MAGI2: variants seen among roughly 807,000 people sequenced by gnomAD.
The protein encoded by MAGI2 is membrane-associated guanylate kinase, WW and PDZ domain-containing protein 2.
Under a neutral mutation model 133.3 loss-of-function variants are expected in MAGI2, and 35 were observed. The ratio of observed to expected loss-of-function variants is 0.26; its 90% CI spans 0.20 to 0.35. The LOEUF (loss-of-function observed/expected upper bound fraction) is 0.35, where lower values mean the gene tolerates loss of function less well. Ranked by LOEUF, MAGI2 falls within the 10% of genes least tolerant of loss-of-function variation. The pLI is 1.00. For missense variants in MAGI2, 1,636 were observed against 1,863.4 expected, an observed-to-expected ratio of 0.88 and a Z score of 2.25; for synonymous variants, 729 against 710.6, an observed-to-expected ratio of 1.03 and a Z score of -0.41.
intron 2 of MAGI2, chr7:78,941,007 C>T (rs980157363): frequency 3.9e-5 from 6 of 152,170 alleles, no homozygotes; most frequent in Non-Finnish European, 8.8e-5. Context: ...TTTCATATTA[C>T]AAGGAAATTG....
intron 3 of MAGI2, among the ~76,000 whole-genome samples, chr7:78,528,079 T>G (rs189525610): frequency 6.6e-6 from 1 of 152,224 alleles, no homozygotes; most frequent in Non-Finnish European, 1.5e-5. Context: ...CCACGGGGCA[T>G]GCAAACAGCG....
chr7:78,237,520 T>C (rs530117035), intron 10 of MAGI2, among the ~76,000 whole-genome samples: 1 of 152,324 alleles, frequency 6.6e-6, no homozygotes, highest in East Asian at 1.9e-4. Context: ...GAATGCAATT[T>C]CCCTGCCTCT....
At chr7:78,114,929 C>T (rs1381453248) in intron 20 of MAGI2, among the ~76,000 whole-genome samples, 2 of 152,200 alleles carry the variant, frequency 1.3e-5, no homozygotes, top group Non-Finnish European at 2.9e-5. Flanking sequence ...TGAGAGGGGG[C>T]AACTGCCAGC....
chr7:78,658,504 T>A lies in MAGI2; in HGVS notation c.419-31265A>T, dbSNP rs184724089. On this transcript the variant is annotated intron_variant, in intron 2 of 21. Transcript: ENST00000354212. ...CATATAATTAAGATCATTTGCTGTA[T>A]GAAAGACTCTGTTAAGAGCACGAAA... 8.5e-5 allele frequency among the ~76,000 whole-genome samples: 13 copies of A among 152,264 alleles called. No individual in the cohort carries two copies. The East Asian group carries it at 2.5e-3, about 29-fold the overall frequency.
chr7:78,381,216 G>A (rs1420238341), intron 6 of MAGI2, among the ~76,000 whole-genome samples: 2 of 152,024 alleles, frequency 1.3e-5, no homozygotes, highest in Admixed American at 1.3e-4. Context: ...CCGTTGTGGC[G>A]CGCATCTGTA....
chr7:79,039,839 T>TATATATACATATATATTATATATATATA (rs1326429868), intron 1 of MAGI2, among the ~76,000 whole-genome samples: 1 of 145,800 alleles, frequency 6.9e-6, no homozygotes, highest in Admixed American at 6.9e-5. Context: ...TTGTATATAT[T>TATATATACATATATATTATATATATATA]ATATATACAT....
chr7:79,076,593 T>C (rs182115346), intron 1 of MAGI2, among the ~76,000 whole-genome samples: 103 of 152,320 alleles, frequency 6.8e-4, no homozygotes, highest in African/African-American at 2.3e-3. Flanking sequence ...TAAATAGATA[T>C]TGATAAATGA....
intron 1 of MAGI2, among the ~76,000 whole-genome samples, chr7:79,300,954 C>T (rs1363711008): frequency 1.1e-4 from 17 of 152,252 alleles, no homozygotes; most frequent in South Asian, 4.1e-4. Context: ...GGGTGCAAGC[C>T]ATAAGCCTTG....
At chr7:78,773,258 T>G (rs1290489899) in intron 2 of MAGI2, among the ~76,000 whole-genome samples, 2 of 152,172 alleles carry the variant, frequency 1.3e-5, no homozygotes, top group African/African-American at 4.8e-5. Context: ...CTGCATGTAT[T>G]TTCTATTAAA....
intron 3 of MAGI2, among the ~76,000 whole-genome samples, chr7:78,594,713 C>T (rs944933142): frequency 6.6e-6 from 1 of 152,142 alleles, no homozygotes; most frequent in African/African-American, 2.4e-5. Context: ...GCCTCGGCCT[C>T]CCAAAGTGTT....
chr7:78,285,750 G>A (rs553962876), intron 9 of MAGI2: 1 of 152,116 alleles, frequency 6.6e-6, no homozygotes, highest in Non-Finnish European at 1.5e-5. Flanking sequence ...GGACATCTGC[G>A]TGGGGTCCAA....
At chr7:79,314,868 C>T (rs1838582436) in intron 1 of MAGI2, among the ~76,000 whole-genome samples, 1 of 151,996 alleles carries the variant, frequency 6.6e-6, no homozygotes, top group Non-Finnish European at 1.5e-5. Context: ...AATTTTGGAG[C>T]CAGGTAGAGA....
chr7:78,636,525 G>A (rs776743457), intron 2 of MAGI2, among the ~76,000 whole-genome samples: 6 of 152,124 alleles, frequency 3.9e-5, no homozygotes, highest in African/African-American at 1.2e-4. Context: ...AAGGCCGGGC[G>A]CTGTGGCTCA....
At chr7:78,218,242 T>C (rs866200694) in intron 10 of MAGI2, among the ~76,000 whole-genome samples, 2 of 152,242 alleles carry the variant, frequency 1.3e-5, no homozygotes, top group Admixed American at 6.5e-5. Flanking sequence ...GTTGGAACCA[T>C]AGGGGACCTT....
At chr7:78,099,754 A>G (rs930287947) in intron 20 of MAGI2, among the ~76,000 whole-genome samples, 8 of 152,182 alleles carry the variant, frequency 5.3e-5, no homozygotes, top group African/African-American at 1.7e-4. Context: ...GACATTTCCA[A>G]TGCATTTCTA....
chr7:78,910,585 A>C (rs1798329046), intron 2 of MAGI2, among the ~76,000 whole-genome samples: 1 of 152,182 alleles, frequency 6.6e-6, no homozygotes, highest in Non-Finnish European at 1.5e-5. Context: ...GTTAGTAAAA[A>C]TTGTGGTGCT....
At chr7:78,862,081 C>T (rs577860187) in intron 2 of MAGI2, among the ~76,000 whole-genome samples, 12 of 152,334 alleles carry the variant, frequency 7.9e-5, no homozygotes, top group African/African-American at 2.6e-4. Flanking sequence ...ACATATATTA[C>T]TGTTTATGCT....
intron 6 of MAGI2, among the ~76,000 whole-genome samples, chr7:78,382,785 T>G (rs543071239): frequency 8.5e-5 from 13 of 152,152 alleles, no homozygotes; most frequent in African/African-American, 2.6e-4. Flanking sequence ...TTCATAGTCT[T>G]TTATCTCTCT....
intron 3 of MAGI2, among the ~76,000 whole-genome samples, chr7:78,611,217 C>G (rs1806404921): frequency 1.3e-5 from 2 of 152,326 alleles, no homozygotes; most frequent in African/African-American, 2.4e-5. Context: ...TGCTTGGCAA[C>G]TAATATCAAT....
Sources: allele counts gnomAD v4.1 joint callset (sites outside exome capture counted in the v4.1 genomes callset), GRCh38; gene constraint gnomAD v4.1.1; transcripts MANE v1.5; gene names NCBI Gene and HGNC (gene_info 2026-07-23, HGNC 2026-07-21).